RBBP4: variants seen among roughly 807,000 people sequenced by gnomAD.
RBBP4 encodes the protein histone-binding protein RBBP4.
A neutral mutation model predicts 57.2 loss-of-function variants in RBBP4; 3 were observed. The observed-to-expected ratio is 0.05, with a 90% CI of 0.02 to 0.14. RBBP4 has a LOEUF of 0.14. Ranked by LOEUF, RBBP4 falls within the 10% of genes least tolerant of loss-of-function variation. The pLI, the probability that RBBP4 is intolerant of heterozygous loss-of-function variation, is 1.00. For missense variants in RBBP4, 107 were observed against 520.6 expected, an observed-to-expected ratio of 0.21 and a Z score of 7.73; for synonymous variants, 151 against 171.5, an observed-to-expected ratio of 0.88 and a Z score of 0.93.
Position 32,669,282 on chromosome 1 carries a change from T to C in RBBP4, c.813T>C (p.Ala271=), listed in dbSNP as rs1648774297. The change falls in exon 7 of 12, where the codon GCT becomes GCC. Residue 271 remains alanine, a synonymous_variant. Coordinates refer to ENST00000373493, the MANE Select transcript of RBBP4 (RefSeq NM_005610.3). The surrounding 1 kb of genome is among the most constrained non-coding windows in gnomAD (Gnocchi z 4.9). ...NTSKPSHSVD[A]HTAEVNCLSF... is the part of the protein sequence containing the mutation. ...CCAAACCAAGCCACTCAGTTGATGC[T>C]CACACTGCTGAAGTGAACTGCCTTT... 2.5e-6 allele frequency: 4 copies of C among 1,612,886 alleles called. No homozygotes were observed. Among genetic ancestry groups the C allele is most frequent in the Non-Finnish European group, 3.4e-6 (4 of 1,180,010 alleles).
At chr1:32,657,660 C>A in intron 3 of RBBP4, 88 bp downstream of exon 3, 1 of 1,434,314 alleles carries the variant, frequency 7.0e-7, no homozygotes, top group Non-Finnish European at 9.4e-7. Context: ...ACTTTAGAAA[C>A]AATATTTAAG....
intron 5 of RBBP4, 32 bp from the exon 6 acceptor site, chr1:32,668,940 C>T (rs1052460422): frequency 6.2e-7 from 1 of 1,613,340 alleles, no homozygotes; most frequent in Non-Finnish European, 8.5e-7. Context: ...TGAGAATCTT[C>T]CTTTTATATA....
rs369028951 is a variant in RBBP4, at chr1:32,651,360, G to T, written c.16+38G>T. 6 of 1,421,070 alleles carry T rather than the reference G, an allele frequency of 4.2e-6. No individual in the cohort carries two copies. In the Admixed American group the frequency reaches 9.8e-5, roughly 23 times the overall value. 88.0% of individuals were successfully genotyped at this position (1,421,070 alleles called of 1,614,324 possible). On this transcript the variant is annotated intron_variant, in intron 1 of 11. Coordinates refer to ENST00000373493, the MANE Select transcript of RBBP4 (RefSeq NM_005610.3). ...GGGCCGACCCAGGAGGGCAGTGGGT[G>T]CCTGGGCTGAGCCGCGGCCTCGACA...
chr1:32,670,247 A>C (rs1294846200), intron 8 of RBBP4, among the ~76,000 whole-genome samples: 1 of 152,172 alleles, frequency 6.6e-6, no homozygotes, highest in African/African-American at 2.4e-5. Context: ...CTTGTTTCTG[A>C]CACTTAGTGA....
At position 32,680,282 on chromosome 1, in the gene RBBP4, G is replaced by A. The variant is rs532255103; in HGVS notation, c.*577G>A. On this transcript the variant is annotated 3_prime_UTR_variant, in exon 12 of 12. Transcript: ENST00000373493. ...CCCATATATTCATATATTTTTGCTC[G>A]TTAGTGTATTTCTTGAGCTGTTTTC... The A allele has an allele frequency of 1.7e-5, 21 of 1,245,870 alleles. No individual in the cohort carries two copies. In the South Asian group the frequency reaches 2.0e-4, roughly 12 times the overall value. 77.2% of individuals were successfully genotyped at this position (1,245,870 alleles called of 1,614,324 possible). A position where few individuals can be genotyped will look rare whatever the true frequency, so the allele number is the denominator to read the frequency against.
chr1:32,651,585 C>T (rs916885585), intron 1 of RBBP4: 1 of 1,011,220 alleles, frequency 9.9e-7, no homozygotes, highest in Non-Finnish European at 1.4e-6. Flanking sequence ...GTTTCTCGGC[C>T]TCTGTCCCGA....
intron 2 of RBBP4, among the ~76,000 whole-genome samples, chr1:32,657,161 A>G (rs893024763): frequency 6.6e-6 from 1 of 152,126 alleles, no homozygotes; most frequent in Non-Finnish European, 1.5e-5. Context: ...TTGTAGTCCC[A>G]GCTACTCGGG....
chr1:32,676,296 T>A (rs1570871937), intron 11 of RBBP4, among the ~76,000 whole-genome samples: 5 of 152,034 alleles, frequency 3.3e-5, no homozygotes, highest in Admixed American at 3.3e-4. Flanking sequence ...TTTGTGTATC[T>A]AGTCTATATT....
At position 32,680,663 on chromosome 1, in the gene RBBP4, G is replaced by A; in HGVS notation, c.*958G>A. On this transcript the variant is annotated 3_prime_UTR_variant, in exon 12 of 12. Coordinates refer to ENST00000373493, the MANE Select transcript of RBBP4 (RefSeq NM_005610.3). ...TTGCTTTTCTACATAACCCCATGCT[G>A]ATGGGTTTTATTTAGTATAAAACAT... 3 of 960,340 alleles carry A rather than the reference G, an allele frequency of 3.1e-6. No homozygotes were observed. Among genetic ancestry groups the A allele is most frequent in the Non-Finnish European group, 4.7e-6 (3 of 637,582 alleles). The allele number at this position is 960,340 out of a possible 1,614,324, so 59.5% of individuals were successfully genotyped here. A position where few individuals can be genotyped will look rare whatever the true frequency, so the allele number is the denominator to read the frequency against.
chr1:32,677,502 A>C, intron 11 of RBBP4, among the ~76,000 whole-genome samples: 1 of 151,524 alleles, frequency 6.6e-6, no homozygotes, highest in Non-Finnish European at 1.5e-5. Flanking sequence ...AACAAACAAA[A>C]AACAGTAATA....
intron 11 of RBBP4, among the ~76,000 whole-genome samples, chr1:32,676,056 T>A (rs996015371): frequency 3.9e-5 from 6 of 151,968 alleles, no homozygotes; most frequent in African/African-American, 1.4e-4. Flanking sequence ...GTGCCTTTAG[T>A]CCCTGCTCTT....
intron 3 of RBBP4, among the ~76,000 whole-genome samples, chr1:32,664,464 G>T (rs563143663): frequency 1.3e-4 from 20 of 151,664 alleles, no homozygotes; most frequent in African/African-American, 4.4e-4. Context: ...TTGTTTGTTT[G>T]TTTTTTGAGA....
intron 8 of RBBP4, among the ~76,000 whole-genome samples, chr1:32,671,236 C>T (rs1648863100): frequency 1.3e-5 from 2 of 152,076 alleles, no homozygotes; most frequent in Non-Finnish European, 2.9e-5. Context: ...TACTTTAGTT[C>T]TTAGGTCAGA....
chr1:32,658,783 A>G (rs190792162), intron 3 of RBBP4, among the ~76,000 whole-genome samples: 6 of 151,858 alleles, frequency 4.0e-5, no homozygotes, highest in Non-Finnish European at 8.8e-5. Flanking sequence ...CCGGACCTCA[A>G]ATGATCCTCC....
intron 3 of RBBP4, among the ~76,000 whole-genome samples, chr1:32,664,475 C>G (rs757176931): frequency 6.6e-6 from 1 of 151,836 alleles, no homozygotes; most frequent in African/African-American, 2.4e-5. Flanking sequence ...TTTTTTGAGA[C>G]AGAGTCTCAC....
Position 32,686,150 on chromosome 1 carries a change from A to G in RBBP4, c.*6445A>G, listed in dbSNP as rs914884122. ...ACAAAATGTAAAATATGTCAAAAAT[A>G]TTTGATACTGATTACATGTTGAAAT... On this transcript the variant is annotated 3_prime_UTR_variant, in exon 12 of 12. Transcript: ENST00000373493. 5.9e-5 allele frequency: 9 copies of G among 152,386 alleles called. No individual in the cohort carries two copies. The highest frequency in any genetic ancestry group is 2.2e-4 in the African/African-American group (9 of 41,600). The allele number at this position is 152,386 out of a possible 1,614,324, so 9.4% of individuals were successfully genotyped here. A position where few individuals can be genotyped will look rare whatever the true frequency, so the allele number is the denominator to read the frequency against.
Position 32,683,976 on chromosome 1 carries a change from A to G in RBBP4, c.*4271A>G, listed in dbSNP as rs1252845377. The G allele has an allele frequency of 1.2e-6, 2 of 1,601,234 alleles. No individual in the cohort carries two copies. The highest frequency in any genetic ancestry group is 8.6e-7 in the Non-Finnish European group (1 of 1,169,050). ...TAGTATTGTTAGGAAAGCAGTAACA[A>G]TGCAAACACCACTCTTCTCTTCACA... is the stretch of plus-strand genomic sequence containing the variant. On this transcript the variant is annotated 3_prime_UTR_variant, in exon 12 of 12. Coordinates refer to ENST00000373493, the MANE Select transcript of RBBP4 (RefSeq NM_005610.3).
At chr1:32,659,120 T>C (rs1648286897) in intron 3 of RBBP4, among the ~76,000 whole-genome samples, 1 of 147,602 alleles carries the variant, frequency 6.8e-6, no homozygotes, top group South Asian at 2.1e-4. Context: ...ATATATAATT[T>C]ATATATACAT....
chr1:32,663,474 C>G (rs1648509332), intron 3 of RBBP4, among the ~76,000 whole-genome samples: 2 of 152,072 alleles, frequency 1.3e-5, no homozygotes, highest in Non-Finnish European at 2.9e-5. Flanking sequence ...GGGTCTTACT[C>G]TGTTGCCCAG....
Sources: allele counts gnomAD v4.1 joint callset (sites outside exome capture counted in the v4.1 genomes callset), GRCh38; gene constraint gnomAD v4.1.1; non-coding constraint Gnocchi (gnomAD v3.1); transcripts MANE v1.5; gene names NCBI Gene and HGNC (gene_info 2026-07-23, HGNC 2026-07-21).